The following SPAG17 variants were observed in gnomAD, a reference collection of about 807,000 sequenced individuals.
The protein encoded by SPAG17 is sperm associated antigen 17, also known as sperm-associated antigen 17.
Under a neutral mutation model 273.6 loss-of-function variants are expected in SPAG17, and 169 were observed. That is an observed-to-expected ratio of 0.62 (90% CI 0.55 to 0.70). The LOEUF (loss-of-function observed/expected upper bound fraction) is 0.70, where lower values mean the gene tolerates loss of function less well. Ranked by LOEUF, SPAG17 falls within the 30% of genes least tolerant of loss-of-function variation. The pLI is 0.00. For synonymous variants in SPAG17, 825 were observed against 873.2 expected, an observed-to-expected ratio of 0.94 and a Z score of 0.97; for missense variants, 2,557 against 2,627.8, an observed-to-expected ratio of 0.97 and a Z score of 0.59.
intron 38 of SPAG17, among the ~76,000 whole-genome samples, chr1:117,990,522 G>C (rs1391795162): frequency 6.6e-6 from 1 of 152,162 alleles, no homozygotes; most frequent in Non-Finnish European, 1.5e-5. Context: ...TTGTGTGTGG[G>C]AGGGCAGGCT....
At chr1:117,995,735 C>CACACACAT (rs113958878) in intron 34 of SPAG17, among the ~76,000 whole-genome samples, 2,747 of 149,598 alleles carry the variant, frequency 0.018, 51 homozygotes, top group South Asian at 0.029. Flanking sequence ...CACACACACA[C>CACACACAT]AAACCTAGGC....
At position 118,124,484 on chromosome 1, in the gene SPAG17, C is replaced by T. The variant is rs138576102; in HGVS notation, c.316-9043G>A. On this transcript the variant is annotated intron_variant, in intron 3 of 48. Transcript: ENST00000336338. ...TATATAGACAAACAGTATATTCACT[C>T]CTTAAATAAACATAAGAATGGCATC... is the stretch of plus-strand genomic sequence containing the variant. 3.0e-3 allele frequency among the ~76,000 whole-genome samples: 456 copies of T among 152,292 alleles called. 2 individuals carry two copies. Among genetic ancestry groups the T allele is most frequent in the African/African-American group, 0.01 (423 of 41,570 alleles).
chr1:118,124,107 C>T (rs1445072799), intron 3 of SPAG17, among the ~76,000 whole-genome samples: 3 of 152,118 alleles, frequency 2.0e-5, no homozygotes, highest in Admixed American at 2.0e-4. Flanking sequence ...GCACATGAAG[C>T]TGAATGTGAT....
At position 118,044,134 on chromosome 1, in the gene SPAG17, G is replaced by T. The variant is rs185853920; in HGVS notation, c.2815-2092C>A. 3.8e-3 allele frequency among the ~76,000 whole-genome samples: 580 copies of T among 152,200 alleles called. 1 individual carries two copies. The highest frequency in any genetic ancestry group is 0.013 in the South Asian group (61 of 4,818). On this transcript the variant is annotated intron_variant, in intron 20 of 48. Coordinates refer to ENST00000336338, the MANE Select transcript of SPAG17 (RefSeq NM_206996.4). Reference sequence around the variant, plus strand: ...TGTGTCAGAAACATTTATAACTTATGTACATATATGTATACTTTTGTTTTC... The same window carrying T: ...TGTGTCAGAAACATTTATAACTTATTTACATATATGTATACTTTTGTTTTC...
intron 3 of SPAG17, among the ~76,000 whole-genome samples, chr1:118,142,231 A>G (rs1424184507): frequency 6.6e-6 from 1 of 152,210 alleles, no homozygotes; most frequent in African/African-American, 2.4e-5. Flanking sequence ...CAACAAGACA[A>G]ATACTATATG....
intron 19 of SPAG17, among the ~76,000 whole-genome samples, chr1:118,055,373 C>A (rs557245954): frequency 2.0e-5 from 3 of 152,204 alleles, no homozygotes; most frequent in East Asian, 3.9e-4. Context: ...TAGATATCTA[C>A]TAACTCTGAA....
At position 117,981,278 on chromosome 1, in the gene SPAG17, G is replaced by T; in HGVS notation, c.5996C>A (p.Ser1999Tyr). 1.3e-6 allele frequency: 2 copies of T among 1,566,266 alleles called. No individual in the cohort carries two copies. The highest frequency in any genetic ancestry group is 1.2e-5 in the South Asian group (1 of 82,362). The change falls in exon 43 of 49, where the codon TCT becomes TAT. Residue 1999 changes from serine (S) to tyrosine (Y), a missense_variant. By Grantham distance (144) the Ser-to-Tyr change is moderately radical (BLOSUM62 -2). Transcript: ENST00000336338. ...AQNQTENLTK[S>Y]PEEAESYEPV... Reference sequence around the variant, plus strand: ...AAAAAAGACTGCCATACCTTCAGGAGATTTTGTTAAATTTTCAGTTTGGTT... The same window carrying T: ...AAAAAAGACTGCCATACCTTCAGGATATTTTGTTAAATTTTCAGTTTGGTT...
chr1:117,991,051 A>G (rs926022225), intron 37 of SPAG17, 145 bp from the exon 38 acceptor site: 5 of 467,446 alleles, frequency 1.1e-5, no homozygotes, highest in African/African-American at 1.0e-4. Context: ...TAATTTTTCT[A>G]GGTCATTCTT....
chr1:117,995,252 A>T (rs979965885), intron 34 of SPAG17, among the ~76,000 whole-genome samples: 1 of 151,926 alleles, frequency 6.6e-6, no homozygotes, highest in Non-Finnish European at 1.5e-5. Context: ...CTTCTGTTAG[A>T]TTCTCTCATA....
intron 20 of SPAG17, among the ~76,000 whole-genome samples, chr1:118,050,079 G>A (rs1029165592): frequency 4.6e-5 from 7 of 152,126 alleles, no homozygotes; most frequent in African/African-American, 9.7e-5. Context: ...AGGGAAGAAC[G>A]CCTCAAGTAA....
chr1:117,954,141 ATTCCC>A, intron 48 of SPAG17, 92 bp from the exon 49 acceptor site: 1 of 1,526,738 alleles, frequency 6.5e-7, no homozygotes, highest in Admixed American at 1.9e-5. Flanking sequence ...AATAAAGGGA[ATTCCC>A]AAGGAGAAAA....
At chr1:118,069,721 G>C (rs139662712) in intron 17 of SPAG17, among the ~76,000 whole-genome samples, 1 of 152,108 alleles carries the variant, frequency 6.6e-6, no homozygotes, top group Non-Finnish European at 1.5e-5. Flanking sequence ...ATCAAAGAAG[G>C]GTGTTTACAG....
intron 31 of SPAG17, 43 bp downstream of exon 31, chr1:118,008,001 A>C (rs762244388): frequency 5.0e-5 from 80 of 1,611,732 alleles, no homozygotes; most frequent in Non-Finnish European, 6.0e-5. Flanking sequence ...TCAGCTGAAT[A>C]GACACTCATC....
intron 1 of SPAG17, among the ~76,000 whole-genome samples, chr1:118,184,217 ATT>A (rs76877728): frequency 2.6e-5 from 4 of 151,948 alleles, no homozygotes; most frequent in South Asian, 2.1e-4. Flanking sequence ...TGAAAAAAAA[ATT>A]TTTTTTCCCC....
At chr1:117,991,870 T>A (rs1394776484) in intron 36 of SPAG17, among the ~76,000 whole-genome samples, 1 of 152,206 alleles carries the variant, frequency 6.6e-6, no homozygotes, top group African/African-American at 2.4e-5. Context: ...ATAGTTTTTT[T>A]ATTTTACCTG....
Position 117,970,090 on chromosome 1 carries a change from C to T in SPAG17, c.6353G>A (p.Ser2118Asn), listed in dbSNP as rs780201010. Residue 2118 changes from serine to asparagine, a missense_variant, in exon 46 of 49, where the codon AGC becomes AAC. Coordinates refer to ENST00000336338, the MANE Select transcript of SPAG17 (RefSeq NM_206996.4). Reference sequence around the variant, plus strand: ...TTTGTAAGTCACTTTCAGTCCTGTGCTGGGTGGGGGCTGCTTTACTTTAAA... The same window carrying T: ...TTTGTAAGTCACTTTCAGTCCTGTGTTGGGTGGGGGCTGCTTTACTTTAAA... ...CRFKVKQPPP[S>N]TGLKVTYKPG... The T allele has an allele frequency of 2.5e-6, 4 of 1,613,064 alleles. No individual in the cohort carries two copies. The African/African-American group carries it at 4.0e-5, about 16-fold the overall frequency.
At chr1:118,112,287 C>T (rs949810692) in intron 4 of SPAG17, among the ~76,000 whole-genome samples, 12 of 151,692 alleles carry the variant, frequency 7.9e-5, no homozygotes, top group Admixed American at 2.6e-4. Context: ...CAGATAATGA[C>T]TAAATTAAAA....
intron 27 of SPAG17, among the ~76,000 whole-genome samples, chr1:118,024,785 T>C (rs1481407557): frequency 1.3e-5 from 2 of 152,192 alleles, no homozygotes; most frequent in African/African-American, 2.4e-5. Flanking sequence ...CCCATTTCGA[T>C]GTTTAATTTT....
At chr1:118,136,658 A>G (rs1435280319) in intron 3 of SPAG17, among the ~76,000 whole-genome samples, 1 of 152,200 alleles carries the variant, frequency 6.6e-6, no homozygotes, top group South Asian at 2.1e-4. Context: ...ATGCTGGCCC[A>G]GGGTGAAACG....
Sources: gnomAD v4.1 joint callset for allele counts (sites outside exome capture counted in the v4.1 genomes callset) on GRCh38, gnomAD v4.1.1 for gene constraint, MANE v1.5 for transcripts, NCBI Gene and HGNC (gene_info 2026-07-23, HGNC 2026-07-21) for gene names.